ITGBL1: variants seen among roughly 807,000 people sequenced by gnomAD.
ITGBL1 encodes integrin subunit beta like 1.
A neutral mutation model predicts 68.5 loss-of-function variants in ITGBL1; 51 were observed. That is an observed-to-expected ratio of 0.74 (90% CI 0.59 to 0.94). The LOEUF (loss-of-function observed/expected upper bound fraction) is 0.94. ITGBL1 is among the 40% of genes least tolerant of loss of function. The pLI is 0.00. For synonymous variants in ITGBL1, 209 were observed against 227.3 expected (o/e 0.92, Z 0.72); for missense variants, 649 against 647.4 (o/e 1.00, Z -0.03).
intron 7 of ITGBL1, among the ~76,000 whole-genome samples, chr13:101,607,419 T>G (rs2030921182): frequency 6.6e-6 from 1 of 152,066 alleles, no homozygotes; most frequent in Admixed American, 6.6e-5. Flanking sequence ...AATATAATTC[T>G]GCAGAATAAT....
intron 9 of ITGBL1, among the ~76,000 whole-genome samples, chr13:101,707,498 A>G (rs1363302788): frequency 6.6e-6 from 1 of 152,178 alleles, no homozygotes; most frequent in Non-Finnish European, 1.5e-5. Flanking sequence ...TTGCCCTAAA[A>G]ATCACCAATT....
chr13:101,567,987 T>A, intron 3 of ITGBL1, 142 bp downstream of exon 3: 3 of 678,942 alleles, frequency 4.4e-6, no homozygotes, highest in Admixed American at 6.5e-5. Flanking sequence ...TTCAGATAAA[T>A]CAATAGAAAA....
intron 7 of ITGBL1, among the ~76,000 whole-genome samples, chr13:101,630,082 A>T (rs528030499): frequency 6.6e-6 from 1 of 152,280 alleles, no homozygotes; most frequent in South Asian, 2.1e-4. Context: ...TTGGCCTCCC[A>T]AAGTGCTGGG....
At chr13:101,495,579 A>G (rs1169261731) in intron 2 of ITGBL1, among the ~76,000 whole-genome samples, 1 of 149,090 alleles carries the variant, frequency 6.7e-6, no homozygotes, top group Admixed American at 6.7e-5. Flanking sequence ...CTGGGTCCCC[A>G]CACTTTTTTT....
At chr13:101,667,454 T>G (rs981055705) in intron 7 of ITGBL1, among the ~76,000 whole-genome samples, 43 of 151,484 alleles carry the variant, frequency 2.8e-4, no homozygotes, top group African/African-American at 9.4e-4. Flanking sequence ...AGCAAGGAAT[T>G]AATCCTTAAT....
At chr13:101,556,427 G>A (rs1312126158) in intron 2 of ITGBL1, among the ~76,000 whole-genome samples, 2 of 152,074 alleles carry the variant, frequency 1.3e-5, no homozygotes, top group Non-Finnish European at 2.9e-5. Flanking sequence ...CCCTGAGGTC[G>A]GGAGTTCGAG....
At chr13:101,697,423 T>C (rs961176585) in intron 8 of ITGBL1, among the ~76,000 whole-genome samples, 5 of 152,204 alleles carry the variant, frequency 3.3e-5, no homozygotes, top group Admixed American at 6.5e-5. Context: ...CTAGAGAAAG[T>C]CCACATTGTA....
intron 2 of ITGBL1, among the ~76,000 whole-genome samples, chr13:101,567,233 C>T (rs2050196002): frequency 6.6e-6 from 1 of 152,064 alleles, no homozygotes; most frequent in African/African-American, 2.4e-5. Flanking sequence ...CCATAAATTT[C>T]ATTACATGCT....
At chr13:101,628,536 A>C (rs1566764746) in intron 7 of ITGBL1, among the ~76,000 whole-genome samples, 2 of 151,346 alleles carry the variant, frequency 1.3e-5, no homozygotes, top group East Asian at 1.9e-4. Context: ...GGGTTCAAGC[A>C]ATTCTCCTGC....
intron 7 of ITGBL1, among the ~76,000 whole-genome samples, chr13:101,601,402 A>AT (rs1468415578): frequency 8.5e-5 from 13 of 152,152 alleles, no homozygotes; most frequent in South Asian, 8.3e-4. Flanking sequence ...GGATTCATTG[A>AT]TTTTTTGAAG....
intron 2 of ITGBL1, among the ~76,000 whole-genome samples, chr13:101,519,076 T>C (rs1307096099): frequency 6.6e-6 from 1 of 152,102 alleles, no homozygotes; most frequent in Non-Finnish European, 1.5e-5. Context: ...ACTTTAAAAA[T>C]AAAGTCAGTG....
rs560190587 is a variant in ITGBL1, at chr13:101,699,188, T to C, written c.1132+6487T>C. Among the ~76,000 whole-genome samples, 88 of 152,338 alleles carry C rather than the reference T, an allele frequency of 5.8e-4. 2 individuals are homozygous for C. Among genetic ancestry groups the C allele is most frequent in the Non-Finnish European group, 8.8e-4 (60 of 68,020 alleles). On this transcript the variant is annotated intron_variant, in intron 8 of 10. Coordinates refer to ENST00000376180, the MANE Select transcript of ITGBL1 (RefSeq NM_004791.3). The stretch of plus-strand genomic sequence containing the variant: ...TACATCTTAAAATTGCACACCTGTT[T>C]CGTGAATTTGTAAGAGGATCAGTTA...
intron 3 of ITGBL1, among the ~76,000 whole-genome samples, chr13:101,571,959 A>G (rs908987065): frequency 1.3e-5 from 2 of 152,198 alleles, no homozygotes; most frequent in African/African-American, 2.4e-5. Context: ...AATAGTGCAC[A>G]GAATGATCTA....
chr13:101,639,058 A>G (rs1367786673), intron 7 of ITGBL1, among the ~76,000 whole-genome samples: 1 of 152,206 alleles, frequency 6.6e-6, no homozygotes, highest in East Asian at 1.9e-4. Context: ...TTACAAGCAT[A>G]TGGTTTTCTC....
chr13:101,458,680 C>T (rs2048277891), intron 2 of ITGBL1, among the ~76,000 whole-genome samples: 1 of 152,224 alleles, frequency 6.6e-6, no homozygotes, highest in South Asian at 2.1e-4. Flanking sequence ...GTAACCTATA[C>T]ACATCCTCTA....
At chr13:101,602,166 C>T (rs1013769186) in intron 7 of ITGBL1, among the ~76,000 whole-genome samples, 1 of 152,048 alleles carries the variant, frequency 6.6e-6, no homozygotes, top group South Asian at 2.1e-4. Context: ...CTGAATGAGA[C>T]CATCTAATTG....
chr13:101,633,922 A>C (rs1227744484), intron 7 of ITGBL1, among the ~76,000 whole-genome samples: 1 of 152,172 alleles, frequency 6.6e-6, no homozygotes, highest in Non-Finnish European at 1.5e-5. Flanking sequence ...GTTTACAGAG[A>C]GTTGACATCA....
chr13:101,457,708 C>T (rs761377330), intron 2 of ITGBL1, among the ~76,000 whole-genome samples: 64 of 151,990 alleles, frequency 4.2e-4, no homozygotes, highest in Middle Eastern at 3.4e-3. Flanking sequence ...CCCAGCTACT[C>T]GGGAGGCTGA....
At chr13:101,574,657 T>C (rs1431482781) in intron 3 of ITGBL1, among the ~76,000 whole-genome samples, 1 of 152,148 alleles carries the variant, frequency 6.6e-6, no homozygotes, top group Non-Finnish European at 1.5e-5. Context: ...CAAGGAAATT[T>C]CTCAAGTGGG....
Sources: allele counts gnomAD v4.1 joint callset (sites outside exome capture counted in the v4.1 genomes callset), GRCh38; gene constraint gnomAD v4.1.1; transcripts MANE v1.5; gene names NCBI Gene and HGNC (gene_info 2026-07-23, HGNC 2026-07-21).